Variants in MDN1 observed in about 807,000 individuals in gnomAD.
MDN1 encodes midasin.
MDN1 carries 266 observed loss-of-function variants against 669.2 expected under a neutral mutation model. The observed-to-expected ratio is 0.40, with a 90% confidence interval of 0.36 to 0.44. The LOEUF is 0.44. MDN1 is among the 20% of genes least tolerant of loss of function. MDN1 has a pLI of 1.00. For synonymous variants in MDN1, 2,385 were observed against 2,457.1 expected (o/e 0.97, Z 0.87); for missense variants, 5,940 against 6,754.0 (o/e 0.88, Z 4.22).
At chr6:89,647,931 T>G in intron 99 of MDN1, 101 bp downstream of exon 99, 1 of 878,412 alleles carries the variant, frequency 1.1e-6, no homozygotes, top group South Asian at 1.5e-5. Flanking sequence ...CTAGCCTGGG[T>G]GACAGAACAA....
At position 89,670,170 on chromosome 6, in the gene MDN1, A is replaced by ATTTTTT. The variant is rs766450069; in HGVS notation, c.13956+743_13956+748dup. Among the ~76,000 whole-genome samples the ATTTTTT allele has an allele frequency of 4.3e-4, 10 of 23,398 alleles. 1 individual carries two copies. The highest frequency in any genetic ancestry group is 9.6e-4 in the Admixed American group (1 of 1,038). The allele number at this position is 23,398 out of a possible 152,430, so 15.3% of individuals were successfully genotyped here. Reference sequence around the variant, plus strand: ...TATATATATATATATATATATATATATTTTTTTTTTTTTTTTTTTTGAGAT... The same window carrying ATTTTTT: ...TATATATATATATATATATATATATATTTTTTTTTTTTTTTTTTTTTTTTTTGAGAT... On this transcript the variant is annotated intron_variant, in intron 83 of 101. Coordinates refer to ENST00000369393, the MANE Select transcript of MDN1 (RefSeq NM_014611.3).
chr6:89,677,527 T>C (rs1010050587), intron 76 of MDN1, 43 bp downstream of exon 76: 1 of 1,608,722 alleles, frequency 6.2e-7, no homozygotes. Context: ...AATTACTTGC[T>C]CCATTTATAA....
rs966455729 is a variant in MDN1 at position 89,687,205 on chromosome 6, C to T, written c.11450+139G>A. The T allele has an allele frequency of 3.9e-5, 44 of 1,134,104 alleles. 1 individual carries two copies. The African/African-American group carries it at 4.2e-4, about 11-fold the overall frequency. The allele number at this position is 1,134,104 out of a possible 1,614,324, so 70.3% of individuals were successfully genotyped here. On this transcript the variant is annotated intron_variant, in intron 68 of 101. Transcript: ENST00000369393. ...ACTGTATTCAGGTCATTTTAATGCC[C>T]TACTTTTAACTCTGTGATTAATAAC...
chr6:89,745,181 G>A, intron 29 of MDN1, 92 bp downstream of exon 29: 3 of 1,359,142 alleles, frequency 2.2e-6, no homozygotes, highest in Non-Finnish European at 2.9e-6. Context: ...AAAGAAGGGG[G>A]GATTAATACT....
chr6:89,789,439 T>TA (rs1388604781), intron 7 of MDN1, among the ~76,000 whole-genome samples: 2 of 152,210 alleles, frequency 1.3e-5, no homozygotes, highest in African/African-American at 4.8e-5. Context: ...AATGTACATG[T>TA]AACATGGCTG....
intron 1 of MDN1, among the ~76,000 whole-genome samples, chr6:89,811,970 T>C (rs1768446008): frequency 6.6e-6 from 1 of 151,910 alleles, no homozygotes; most frequent in South Asian, 2.1e-4. Flanking sequence ...ACTGATTACT[T>C]AACAAATACA....
At chr6:89,689,439 A>T (rs1421956525) in intron 65 of MDN1, among the ~76,000 whole-genome samples, 3 of 152,222 alleles carry the variant, frequency 2.0e-5, no homozygotes, top group African/African-American at 7.2e-5. Flanking sequence ...GAAATCATGT[A>T]GGAAACTGCA....
chr6:89,731,306 C>T (rs1251840654), intron 34 of MDN1, among the ~76,000 whole-genome samples: 1 of 152,268 alleles, frequency 6.6e-6, no homozygotes, highest in Non-Finnish European at 1.5e-5. Flanking sequence ...AATTACTACT[C>T]ATGTTAAACA....
At position 89,695,929 on chromosome 6, in the gene MDN1, C is replaced by T; in HGVS notation, c.9447G>A (p.Leu3149=). 1 of 1,612,716 alleles carries T rather than the reference C, an allele frequency of 6.2e-7. No homozygotes were observed. The highest frequency in any genetic ancestry group is 1.1e-5 in the South Asian group (1 of 91,040). Residue 3149 remains leucine, a synonymous_variant, in exon 61 of 102, where the codon CTG becomes CTA. Coordinates refer to ENST00000369393, the MANE Select transcript of MDN1 (RefSeq NM_014611.3). The surrounding 1 kb of genome is among the most constrained non-coding windows in gnomAD (Gnocchi z 4.1). Reference sequence around the variant, plus strand: ...ACTCCTGCCGCCGGGACTCTGGGAGCAGCTCTGCTAGGCCTGCCAGGTGCC... The same window carrying T: ...ACTCCTGCCGCCGGGACTCTGGGAGTAGCTCTGCTAGGCCTGCCAGGTGCC... The part of the protein sequence containing the change: ...LFRHLAGLAE[L]LPESRRQEYM...
intron 8 of MDN1, among the ~76,000 whole-genome samples, chr6:89,785,757 T>C (rs1818921482): frequency 6.6e-6 from 1 of 152,200 alleles, no homozygotes; most frequent in Non-Finnish European, 1.5e-5. Flanking sequence ...GTTTATCAGA[T>C]CACAAGTTTG....
chr6:89,768,943 G>A (rs1208974196), intron 15 of MDN1, among the ~76,000 whole-genome samples: 5 of 151,832 alleles, frequency 3.3e-5, no homozygotes, highest in African/African-American at 1.2e-4. Context: ...TCCCACAGCT[G>A]CTCAGGAGGC....
Position 89,654,214 on chromosome 6 carries a change from ACGTCTGCTGCTTTG to A in MDN1, c.15597_15610del (p.Lys5200GlyfsTer19). 6.2e-7 allele frequency: 1 copy of A among 1,614,178 alleles called. No individual in the cohort carries two copies. The highest frequency in any genetic ancestry group is 8.5e-7 in the Non-Finnish European group (1 of 1,180,028). ...GATTTCCTCTGGCTTCAGCTGCTCCACGTCTGCTGCTTTGAACTCCTCCTGCTCCTCTGTGTCCA... is the reference window on the plus strand; with the variant it reads ...GATTTCCTCTGGCTTCAGCTGCTCCAAACTCCTCCTGCTCCTCTGTGTCCA... On this transcript the variant is annotated frameshift_variant, in exon 93 of 102. Transcript: ENST00000369393. LOFTEE classifies it high-confidence loss of function.
chr6:89,701,424 T>G, intron 55 of MDN1, 134 bp downstream of exon 55: 1 of 1,185,096 alleles, frequency 8.4e-7, no homozygotes, highest in Non-Finnish European at 1.2e-6. Flanking sequence ...CACCCCCAGA[T>G]GCCAAAGGAA....
At chr6:89,735,521 G>A (rs954415599) in intron 33 of MDN1, among the ~76,000 whole-genome samples, 3 of 151,870 alleles carry the variant, frequency 2.0e-5, no homozygotes, top group Non-Finnish European at 2.9e-5. Context: ...TTATAGGCAC[G>A]TACTACCATG....
At chr6:89,774,776 T>C (rs1024994078) in intron 12 of MDN1, 43 bp from the exon 13 acceptor site, 1 of 1,374,188 alleles carries the variant, frequency 7.3e-7, no homozygotes, top group Non-Finnish European at 1.0e-6. Context: ...TCCACATGCT[T>C]TTGGAATATT....
intron 29 of MDN1, among the ~76,000 whole-genome samples, chr6:89,744,060 G>A (rs1816439548): frequency 1.4e-5 from 2 of 138,186 alleles, no homozygotes; most frequent in Non-Finnish European, 1.5e-5. Context: ...CCGAGATCAC[G>A]CCATTGCAGT....
rs1174172564 is a variant in MDN1 at position 89,683,907 on chromosome 6, G to C, written c.11830-3C>G. On this transcript the variant is annotated splice_region_variant and splice_polypyrimidine_tract_variant and intron_variant, in intron 71 of 101. Coordinates refer to ENST00000369393, the MANE Select transcript of MDN1 (RefSeq NM_014611.3). ...CACTTGGAAATCTTAACAAATTCCT[G>C]TAAGATAAATGATGTTCAAGAAATG... The C allele has an allele frequency of 6.2e-7, 1 of 1,607,402 alleles. No homozygotes were observed. Among genetic ancestry groups the C allele is most frequent in the Non-Finnish European group, 8.5e-7 (1 of 1,174,512 alleles).
rs141359173 is a variant in MDN1, at chr6:89,668,554, T to C, written c.13957-403A>G. Among the ~76,000 whole-genome samples, 1,294 of 152,312 alleles carry C rather than the reference T, an allele frequency of 8.5e-3. 12 individuals carry two copies. The highest frequency in any genetic ancestry group is 0.012 in the Non-Finnish European group (822 of 68,028). On this transcript the variant is annotated intron_variant, in intron 83 of 101. Coordinates refer to ENST00000369393, the MANE Select transcript of MDN1 (RefSeq NM_014611.3). Reference sequence around the variant, plus strand: ...TGAAATGTTGAAAAAAACTATTTTATACAGGAAAATAACCTGAGAAGAATA... The same window carrying C: ...TGAAATGTTGAAAAAAACTATTTTACACAGGAAAATAACCTGAGAAGAATA...
At position 89,677,609 on chromosome 6, in the gene MDN1, G is replaced by A. The variant is rs1278778927; in HGVS notation, c.12500C>T (p.Ala4167Val). Residue 4167 changes from alanine (A) to valine (V), a missense_variant, in exon 76 of 102, where the codon GCA (alanine) becomes GTA (valine). By Grantham distance (64) the Ala-to-Val change is moderately conservative (BLOSUM62 0). Coordinates refer to ENST00000369393, the MANE Select transcript of MDN1 (RefSeq NM_014611.3). Reference protein sequence around the residue: ...LHLHPLDLQSALSIVSSTQEA... With the variant: ...LHLHPLDLQSVLSIVSSTQEA... ...CTGAGTGCTGCTGACGATGGACAAT[G>A]CGCTCTGGAGATCTAATGGGTGAAG... 3 of 1,614,196 alleles carry A rather than the reference G, an allele frequency of 1.9e-6. No individual in the cohort carries two copies. Among genetic ancestry groups the A allele is most frequent in the Non-Finnish European group, 2.5e-6 (3 of 1,180,042 alleles).
Sources: gnomAD v4.1 joint callset for allele counts (sites outside exome capture counted in the v4.1 genomes callset) on GRCh38, gnomAD v4.1.1 for gene constraint, Gnocchi (gnomAD v3.1) non-coding constraint, MANE v1.5 for transcripts, NCBI Gene and HGNC (gene_info 2026-07-23, HGNC 2026-07-21) for gene names.